SLC2A5: variants seen among roughly 807,000 people sequenced by gnomAD.
SLC2A5 encodes solute carrier family 2 member 5.
Under a neutral mutation model 50.3 loss-of-function variants are expected in SLC2A5, and 56 were observed. The ratio of observed to expected loss-of-function variants is 1.11; its 90% CI spans 0.90 to 1.39. SLC2A5 has a LOEUF of 1.39. Ranked by LOEUF, SLC2A5 falls within the 40% of genes most tolerant of loss-of-function variation. The pLI is 0.00. For missense variants in SLC2A5, 566 were observed against 650.1 expected, an observed-to-expected ratio of 0.87 and a Z score of 1.41; for synonymous variants, 269 against 281.9, an observed-to-expected ratio of 0.95 and a Z score of 0.46.
intron 4 of SLC2A5, among the ~76,000 whole-genome samples, chr1:9,045,870 CAAAA>C (rs59265235): frequency 3.2e-5 from 3 of 92,992 alleles, no homozygotes; most frequent in African/African-American, 4.3e-5. Flanking sequence ...AACTCCATCT[CAAAA>C]AAAAAAAAAA....
At chr1:9,053,041 T>C (rs1249744323) in intron 3 of SLC2A5, among the ~76,000 whole-genome samples, 1 of 121,452 alleles carries the variant, frequency 8.2e-6, no homozygotes, top group Non-Finnish European at 1.6e-5. Flanking sequence ...TCTTACTCTA[T>C]TATATATTAA....
At chr1:9,079,176 T>C (rs1170388378) in intron 2 of SLC2A5, among the ~76,000 whole-genome samples, 1 of 152,148 alleles carries the variant, frequency 6.6e-6, no homozygotes, top group Non-Finnish European at 1.5e-5. Flanking sequence ...GCCAGTTCTG[T>C]ATTCTGTCCT....
chr1:9,088,456 C>T (rs1230651836), upstream of SLC2A5: 3 of 152,364 alleles, frequency 2.0e-5, no homozygotes, highest in Non-Finnish European at 2.9e-5. Flanking sequence ...CCAACTGCCA[C>T]TCTCCCCCAC....
intron 1 of SLC2A5, among the ~76,000 whole-genome samples, chr1:9,087,669 G>A (rs116685269): frequency 0.015 from 2,334 of 152,130 alleles, 63 homozygotes; most frequent in African/African-American, 0.053. Flanking sequence ...CTTTTCTCTT[G>A]TTTCACTTTT....
chr1:9,091,568 TTCAA>T (rs776823085), upstream of SLC2A5, among the ~76,000 whole-genome samples: 11 of 152,028 alleles, frequency 7.2e-5, no homozygotes, highest in Non-Finnish European at 1.5e-4. Flanking sequence ...AAGCCCTATA[TTCAA>T]CTCTCTCAAC....
chr1:9,057,777 G>C (rs1418482695), intron 2 of SLC2A5, among the ~76,000 whole-genome samples, 169 bp from the exon 3 acceptor site: 1 of 152,186 alleles, frequency 6.6e-6, no homozygotes, highest in East Asian at 1.9e-4. Flanking sequence ...GAGAAGGGTG[G>C]GCACCCACCG....
intron 1 of SLC2A5, among the ~76,000 whole-genome samples, chr1:9,062,882 T>A (rs77242769): frequency 0.02 from 2,913 of 146,494 alleles, 39 homozygotes; most frequent in Non-Finnish European, 0.028. Flanking sequence ...AAAAAATAAA[T>A]AAATAAATAA....
chr1:9,058,191 C>A lies in SLC2A5; in HGVS notation c.93G>T (p.Gln31His). ...TGACAGCAGCCACGTTGTACCCATA[C>A]TGGAAGGATGACCCAAAGGCAGCTA... ...TLIAAFGSSFQYGYNVAAVNS... is the reference protein window; with the variant it reads ...TLIAAFGSSFHYGYNVAAVNS... The change falls in exon 2 of 12, where the codon CAG becomes CAT. Residue 31 changes from glutamine (Q) to histidine (H), a missense_variant. By Grantham distance (24) the Gln-to-His change is conservative. Transcript: ENST00000377424. The A allele has an allele frequency of 6.2e-7, 1 of 1,614,148 alleles. No homozygotes were observed. The highest frequency in any genetic ancestry group is 8.5e-7 in the Non-Finnish European group (1 of 1,179,990).
At chr1:9,053,188 TTA>T (rs1414338807) in intron 3 of SLC2A5, among the ~76,000 whole-genome samples, 2 of 74,232 alleles carry the variant, frequency 2.7e-5, no homozygotes, top group Admixed American at 2.3e-4. Context: ...TATTTATATA[TTA>T]TATATTTATA....
chr1:9,057,065 G>C (rs552982085), intron 3 of SLC2A5, among the ~76,000 whole-genome samples: 1 of 152,200 alleles, frequency 6.6e-6, no homozygotes, highest in Non-Finnish European at 1.5e-5. Flanking sequence ...GCTGAGGCGG[G>C]TGGGTCACCT....
chr1:9,067,442 C>T (rs746359566), intron 1 of SLC2A5, among the ~76,000 whole-genome samples: 13 of 152,196 alleles, frequency 8.5e-5, no homozygotes, highest in Non-Finnish European at 1.3e-4. Context: ...GGGCCTGCCA[C>T]GTGGGGGTGT....
In SLC2A5 at chr1:9,077,737, C is replaced by CAGGGAGAGAGGGAGGG. The variant is rs1302951153; in HGVS notation, c.-59+7261_-59+7276dup. On this transcript the variant is annotated intron_variant, in intron 2 of 5. Coordinates refer to the SLC2A5 transcript ENST00000464985. ...TCCAGCCTGGGCAACAAGGGTGAAACAGGGAGAGAGGGAGGGAGGGAGAGA... is the reference window on the plus strand; with the variant it reads ...TCCAGCCTGGGCAACAAGGGTGAAACAGGGAGAGAGGGAGGGAGGGAGAGAGGGAGGGAGGGAGAGA... Among the ~76,000 whole-genome samples the CAGGGAGAGAGGGAGGG allele has an allele frequency of 8.2e-3, 624 of 75,830 alleles. 31 individuals are homozygous for CAGGGAGAGAGGGAGGG. Among genetic ancestry groups the CAGGGAGAGAGGGAGGG allele is most frequent in the African/African-American group, 0.032 (546 of 17,188 alleles). The allele number at this position is 75,830 out of a possible 152,430, so 49.7% of individuals were successfully genotyped here.
Position 9,061,698 on chromosome 1 carries a change from T to G in SLC2A5, c.34-3448A>C, listed in dbSNP as rs530525851. Reference sequence around the variant, plus strand: ...ACAGCCAAGTGCAGCTCTTGACCACTCCCTCAGTCTGATGAGTGCCCTAAG... The same window carrying G: ...ACAGCCAAGTGCAGCTCTTGACCACGCCCTCAGTCTGATGAGTGCCCTAAG... On this transcript the variant is annotated intron_variant, in intron 1 of 11. Transcript: ENST00000377424. Among the ~76,000 whole-genome samples the G allele has an allele frequency of 3.3e-5, 5 of 152,106 alleles. No individual in the cohort carries two copies. The South Asian group carries it at 1.0e-3, about 32-fold the overall frequency.
chr1:9,041,530 C>T (rs1315451921), intron 5 of SLC2A5: 6 of 1,351,050 alleles, frequency 4.4e-6, no homozygotes, highest in Admixed American at 6.7e-5. Flanking sequence ...GGCAGGGAAG[C>T]CCATCACTCA....
intron 1 of SLC2A5, among the ~76,000 whole-genome samples, chr1:9,086,144 G>A (rs1325411089): frequency 5.3e-5 from 8 of 152,292 alleles, no homozygotes; most frequent in Non-Finnish European, 4.4e-5. Context: ...CTAACTAGCA[G>A]GGATAATGAC....
chr1:9,074,680 C>T lies in SLC2A5; in HGVS notation c.-58-5086G>A, dbSNP rs1214102442. ...CCTGAGTTTTTTATTTTCCTTTACA[C>T]AACATATGAAGACCTTAAAGAGAAA... is the stretch of plus-strand genomic sequence containing the variant. On this transcript the variant is annotated intron_variant, in intron 2 of 5. Coordinates refer to the SLC2A5 transcript ENST00000464985. Among the ~76,000 whole-genome samples the T allele has an allele frequency of 2.6e-5, 4 of 151,538 alleles. No homozygotes were observed. In the East Asian group the frequency reaches 7.7e-4, roughly 29 times the overall value.
intron 1 of SLC2A5, among the ~76,000 whole-genome samples, chr1:9,064,744 G>A (rs1165222367): frequency 3.3e-5 from 5 of 151,962 alleles, no homozygotes; most frequent in Non-Finnish European, 7.4e-5. Flanking sequence ...GGACACCACA[G>A]CGCATACTCT....
chr1:9,060,471 TACAC>T (rs1641904130), intron 1 of SLC2A5, among the ~76,000 whole-genome samples: 1 of 88,220 alleles, frequency 1.1e-5, no homozygotes, highest in Non-Finnish European at 2.2e-5. Flanking sequence ...ACCCCACACA[TACAC>T]ACCCATACCC....
intron 7 of SLC2A5, 33 bp downstream of exon 7, chr1:9,039,767 T>C (rs1641247076): frequency 3.6e-6 from 5 of 1,403,072 alleles, no homozygotes; most frequent in Non-Finnish European, 4.7e-6. Context: ...CCCCGAGCCC[T>C]CCCCAGCTCC....
Sources: allele counts gnomAD v4.1 joint callset (sites outside exome capture counted in the v4.1 genomes callset), GRCh38; gene constraint gnomAD v4.1.1; transcripts MANE v1.5; gene names NCBI Gene and HGNC (gene_info 2026-07-23, HGNC 2026-07-21).